DSCAML1: variants seen among roughly 807,000 people sequenced by gnomAD.
The protein encoded by DSCAML1 is cell adhesion molecule DSCAML1.
DSCAML1 carries 38 observed loss-of-function variants against 200.5 expected under a neutral mutation model. The observed-to-expected ratio is 0.19, with a 90% confidence interval of 0.15 to 0.25. DSCAML1 has a LOEUF of 0.25. Among genes scored for constraint, DSCAML1 ranks in the 10% least tolerant of loss-of-function variants. The pLI is 1.00. For missense variants in DSCAML1, 2,223 were observed against 2,858.8 expected, an observed-to-expected ratio of 0.78 and a Z score of 5.07; for synonymous variants, 1,215 against 1,165.0, an observed-to-expected ratio of 1.04 and a Z score of -0.87.
At chr11:117,610,857 T>G (rs2051677238) in intron 3 of DSCAML1, among the ~76,000 whole-genome samples, 1 of 117,264 alleles carries the variant, frequency 8.5e-6, no homozygotes, top group Non-Finnish European at 1.7e-5. Flanking sequence ...CCCCCCACAA[T>G]GTGTTCGTAG....
At chr11:117,436,339 C>G (rs78825663) in intron 26 of DSCAML1, among the ~76,000 whole-genome samples, 3,667 of 152,300 alleles carry the variant, frequency 0.024, 61 homozygotes, top group Non-Finnish European at 0.04. Context: ...AACCCTCTGC[C>G]AAGCCCTGAC....
intron 1 of DSCAML1, among the ~76,000 whole-genome samples, chr11:117,781,727 T>C (rs951479975): frequency 2.6e-5 from 4 of 152,174 alleles, no homozygotes; most frequent in African/African-American, 9.7e-5. Context: ...ACTTGGAAAA[T>C]GGAGGGAGAG....
At chr11:117,591,410 A>T (rs1045109449) in intron 3 of DSCAML1, among the ~76,000 whole-genome samples, 1 of 152,222 alleles carries the variant, frequency 6.6e-6, no homozygotes, top group African/African-American at 2.4e-5. Context: ...TGATATAGTC[A>T]CAGAAACCTC....
chr11:117,650,667 C>CTGTGTGTGTGTGTG (rs66966642), intron 3 of DSCAML1, among the ~76,000 whole-genome samples: 71 of 143,530 alleles, frequency 4.9e-4, no homozygotes, highest in African/African-American at 1.7e-3. Flanking sequence ...GTGTGTCTAT[C>CTGTGTGTGTGTGTG]TGTGTGTGTG....
At chr11:117,588,722 G>C (rs2051199768) in intron 3 of DSCAML1, among the ~76,000 whole-genome samples, 1 of 152,196 alleles carries the variant, frequency 6.6e-6, no homozygotes. Context: ...GGGATTCAGT[G>C]GGGCCAGTGG....
chr11:117,566,797 C>T, intron 3 of DSCAML1, among the ~76,000 whole-genome samples: 1 of 147,994 alleles, frequency 6.8e-6, no homozygotes, highest in Non-Finnish European at 1.5e-5. Context: ...TTTCATTGTT[C>T]AATTCCCACC....
intron 3 of DSCAML1, among the ~76,000 whole-genome samples, chr11:117,740,137 C>A (rs146769720): frequency 1.2e-3 from 186 of 152,258 alleles, no homozygotes; most frequent in African/African-American, 4.4e-3. Context: ...CAGGCAGGGG[C>A]TGGACAACTA....
chr11:117,532,481 A>G lies in DSCAML1; in HGVS notation c.553T>C (p.Ser185Pro). Residue 185 changes from serine (S) to proline (P), a missense_variant, in exon 4 of 33, where the codon TCT becomes CCT. Coordinates refer to ENST00000651296, the MANE Select transcript of DSCAML1 (RefSeq NM_020693.4). ...FITYHGGLYI[S>P]DVQKEDALST... The stretch of plus-strand genomic sequence containing the variant: ...AGGGCGTCCTCCTTCTGTACGTCAG[A>G]GATGTACAGCCCGCCGTGGTAGGTA... 1 of 1,614,162 alleles carries G rather than the reference A, an allele frequency of 6.2e-7. No individual in the cohort carries two copies. Among genetic ancestry groups the G allele is most frequent in the Non-Finnish European group, 8.5e-7 (1 of 1,180,006 alleles).
At chr11:117,677,748 A>G (rs550677501) in intron 3 of DSCAML1, among the ~76,000 whole-genome samples, 2 of 152,292 alleles carry the variant, frequency 1.3e-5, no homozygotes, top group East Asian at 3.9e-4. Context: ...ATGCTAACAA[A>G]ACACATTTAT....
intron 3 of DSCAML1, among the ~76,000 whole-genome samples, chr11:117,619,209 T>C (rs540532298): frequency 6.6e-6 from 1 of 152,348 alleles, no homozygotes; most frequent in South Asian, 2.1e-4. Context: ...TGGTGGCTGG[T>C]CTCAGGCTTT....
rs539175788 is a variant in DSCAML1, at chr11:117,533,805, G to A, written c.512-1283C>T. ...TTAAAGGAGAAAACTGGACTTGAGGGTTGGGGGGCGGGGTTTGCACTAGAC... is the reference window on the plus strand; with the variant it reads ...TTAAAGGAGAAAACTGGACTTGAGGATTGGGGGGCGGGGTTTGCACTAGAC... On this transcript the variant is annotated intron_variant, in intron 3 of 32. Transcript: ENST00000651296. Among the ~76,000 whole-genome samples the A allele has an allele frequency of 1.8e-3, 281 of 152,042 alleles. No individual in the cohort carries two copies. In the Middle Eastern group the frequency reaches 0.037, roughly 20 times the overall value.
At chr11:117,764,764 G>A (rs1455895445) in intron 3 of DSCAML1, among the ~76,000 whole-genome samples, 1 of 152,250 alleles carries the variant, frequency 6.6e-6, no homozygotes, top group Non-Finnish European at 1.5e-5. Flanking sequence ...AGTAGCAGCA[G>A]GATCTGGAAC....
rs183131344 is a variant in DSCAML1, at chr11:117,637,891, C to T, written c.512-105369G>A. Among the ~76,000 whole-genome samples the T allele has an allele frequency of 1.8e-3, 270 of 152,228 alleles. No individual in the cohort carries two copies. The Middle Eastern group carries it at 0.037, about 21-fold the overall frequency. On this transcript the variant is annotated intron_variant, in intron 3 of 32. Coordinates refer to ENST00000651296, the MANE Select transcript of DSCAML1 (RefSeq NM_020693.4). The stretch of plus-strand genomic sequence containing the variant: ...CTGCTCCCCTTGCATGGGTAAACAC[C>T]GCTGGGTGCTGGATTCTGTTTCAGG...
intron 3 of DSCAML1, among the ~76,000 whole-genome samples, chr11:117,724,843 AAT>A (rs1446476951): frequency 1.3e-5 from 2 of 152,200 alleles, no homozygotes. Context: ...AGGAGCCTGG[AAT>A]ATGTCAACCA....
At chr11:117,683,767 A>G (rs1227201417) in intron 3 of DSCAML1, among the ~76,000 whole-genome samples, 2 of 152,234 alleles carry the variant, frequency 1.3e-5, no homozygotes, top group African/African-American at 4.8e-5. Flanking sequence ...TGTGGGAGAA[A>G]TACAGTACAC....
chr11:117,611,456 T>A (rs1167645997), intron 3 of DSCAML1: 4 of 152,190 alleles, frequency 2.6e-5, no homozygotes, highest in African/African-American at 9.7e-5. Context: ...GAGCTCTGCA[T>A]GAGACATGAG....
intron 3 of DSCAML1, among the ~76,000 whole-genome samples, chr11:117,663,100 A>G (rs1309964603): frequency 1.3e-5 from 2 of 152,194 alleles, no homozygotes; most frequent in Non-Finnish European, 2.9e-5. Context: ...CCAGAGCAGC[A>G]GGAAGAAGGC....
chr11:117,796,912 G>A (rs918472253), intron 1 of DSCAML1, 122 bp downstream of exon 1: 2 of 629,862 alleles, frequency 3.2e-6, no homozygotes, highest in Admixed American at 4.6e-5. Flanking sequence ...GCCCCACCCG[G>A]GGCCTTGCAC....
intron 3 of DSCAML1, among the ~76,000 whole-genome samples, chr11:117,562,899 C>G (rs1233415798): frequency 6.6e-6 from 1 of 152,176 alleles, no homozygotes; most frequent in Non-Finnish European, 1.5e-5. Flanking sequence ...ACCCTGCTAT[C>G]AGTTCCTTCT....
Sources: gnomAD v4.1 joint callset for allele counts (sites outside exome capture counted in the v4.1 genomes callset) on GRCh38, gnomAD v4.1.1 for gene constraint, MANE v1.5 for transcripts, NCBI Gene and HGNC (gene_info 2026-07-23, HGNC 2026-07-21) for gene names.